The following TRPC3 variants were observed in gnomAD, a reference collection of about 807,000 sequenced individuals.
The protein encoded by TRPC3 is short transient receptor potential channel 3.
TRPC3 carries 54 observed loss-of-function variants against 90.9 expected under a neutral mutation model. The ratio of observed to expected loss-of-function variants is 0.59; its 90% CI spans 0.48 to 0.75. TRPC3 has a LOEUF of 0.75. Among genes scored for constraint, TRPC3 ranks in the 30% least tolerant of loss-of-function variants. TRPC3 has a pLI of 0.00. For synonymous variants in TRPC3, 424 were observed against 450.9 expected (o/e 0.94, Z 0.75); for missense variants, 918 against 1,194.5 (o/e 0.77, Z 3.41).
chr4:121,904,616 G>A lies in TRPC3; in HGVS notation c.2058-99C>T, dbSNP rs1728819196. ...GTTAGGGTTTAACTACTGTACAGAT[G>A]TAAAATGCCACCATAATATACTCCA... On this transcript the variant is annotated intron_variant, in intron 7 of 11. Transcript: ENST00000379645. 9 of 754,214 alleles carry A rather than the reference G, an allele frequency of 1.2e-5. No homozygotes were observed. In the South Asian group the frequency reaches 2.7e-4, roughly 23 times the overall value. 46.7% of individuals were successfully genotyped at this position (754,214 alleles called of 1,614,324 possible).
At chr4:121,882,851 A>G (rs1375118363) in intron 10 of TRPC3, among the ~76,000 whole-genome samples, 1 of 152,168 alleles carries the variant, frequency 6.6e-6, no homozygotes, top group African/African-American at 2.4e-5. Context: ...AACAAAATAA[A>G]CAAATGAAAT....
intron 1 of TRPC3, among the ~76,000 whole-genome samples, chr4:121,948,583 G>A (rs1348238229): frequency 2.0e-5 from 3 of 152,096 alleles, no homozygotes; most frequent in East Asian, 1.9e-4. Flanking sequence ...AGGATCCTCC[G>A]CACTAATGCC....
At chr4:121,888,414 CA>C (rs1025621799) in intron 10 of TRPC3, among the ~76,000 whole-genome samples, 3 of 152,076 alleles carry the variant, frequency 2.0e-5, no homozygotes, top group Non-Finnish European at 4.4e-5. Flanking sequence ...AAAAATGAAA[CA>C]TTTTTTGAGT....
intron 10 of TRPC3, among the ~76,000 whole-genome samples, chr4:121,889,630 A>G (rs1360636613): frequency 6.6e-6 from 1 of 152,318 alleles, no homozygotes; most frequent in East Asian, 1.9e-4. Flanking sequence ...ATAGGAATGT[A>G]AAATTAGTAC....
intron 1 of TRPC3, among the ~76,000 whole-genome samples, chr4:121,950,069 C>T (rs1318296864): frequency 1.3e-5 from 2 of 152,018 alleles, no homozygotes; most frequent in African/African-American, 2.4e-5. Flanking sequence ...GAGCTGGTGG[C>T]GCTTTCATCC....
At chr4:121,939,679 T>C (rs1170680662) in intron 1 of TRPC3, among the ~76,000 whole-genome samples, 2 of 152,242 alleles carry the variant, frequency 1.3e-5, no homozygotes, top group African/African-American at 2.4e-5. Context: ...TTGGGACAGA[T>C]TGCTGGTGCT....
In TRPC3 at chr4:121,879,357, T is replaced by C. The variant is rs1409127667; in HGVS notation, c.*379A>G. 5.8e-6 allele frequency: 1 copy of C among 172,374 alleles called. No individual in the cohort carries two copies. The highest frequency in any genetic ancestry group is 1.2e-5 in the Non-Finnish European group (1 of 82,198). The allele number at this position is 172,374 out of a possible 1,614,324, so 10.7% of individuals were successfully genotyped here. A position where few individuals can be genotyped will look rare whatever the true frequency, so the allele number is the denominator to read the frequency against. The stretch of plus-strand genomic sequence containing the variant: ...CAACATTTATTGAGCACCTACTATA[T>C]ACCAGGCACTGTACTAGATGCTGGA... On this transcript the variant is annotated 3_prime_UTR_variant, in exon 12 of 12. Transcript: ENST00000379645.
intron 1 of TRPC3, among the ~76,000 whole-genome samples, chr4:121,948,460 C>T (rs1395185093): frequency 6.6e-6 from 1 of 151,986 alleles, no homozygotes; most frequent in Non-Finnish European, 1.5e-5. Flanking sequence ...CAGTCATCTC[C>T]TAATTTGTCT....
intron 6 of TRPC3, 111 bp from the exon 7 acceptor site, chr4:121,907,678 A>G: frequency 8.6e-7 from 1 of 1,162,932 alleles, no homozygotes; most frequent in Non-Finnish European, 1.2e-6. Flanking sequence ...TTACCATCTC[A>G]GTTGAAACTA....
intron 10 of TRPC3, among the ~76,000 whole-genome samples, chr4:121,891,554 A>G (rs901869901): frequency 6.6e-6 from 1 of 152,188 alleles, no homozygotes; most frequent in Non-Finnish European, 1.5e-5. Context: ...GCAATTAAAA[A>G]GTAGCAAACA....
In TRPC3 at chr4:121,918,977, A is replaced by G. The variant is rs182671447; in HGVS notation, c.1177-4033T>C. On this transcript the variant is annotated intron_variant, in intron 3 of 11. Coordinates refer to ENST00000379645, the MANE Select transcript of TRPC3 (RefSeq NM_001130698.2). ...TATGTCACTACACCAGTTATGCCCA[A>G]CTGGATAACATTTGTATGCTGTTTC... Among the ~76,000 whole-genome samples the G allele has an allele frequency of 4.0e-3, 615 of 152,326 alleles. 3 individuals carry two copies. The highest frequency in any genetic ancestry group is 5.0e-3 in the Non-Finnish European group (342 of 68,030).
chr4:121,918,362 C>T (rs1312651023), intron 3 of TRPC3, among the ~76,000 whole-genome samples: 2 of 152,152 alleles, frequency 1.3e-5, no homozygotes, highest in Non-Finnish European at 2.9e-5. Flanking sequence ...AGGTTTTAAA[C>T]TCTTGAGGAC....
intron 2 of TRPC3, among the ~76,000 whole-genome samples, chr4:121,930,552 G>A (rs1276975705): frequency 1.3e-5 from 2 of 152,072 alleles, no homozygotes; most frequent in Non-Finnish European, 2.9e-5. Context: ...ACGACTCTGG[G>A]TGGAATTGCA....
Position 121,951,570 on chromosome 4 carries a change from G to C in TRPC3, c.111C>G (p.Arg37=). 3 of 1,446,998 alleles carry C rather than the reference G, an allele frequency of 2.1e-6. No homozygotes were observed. The highest frequency in any genetic ancestry group is 2.7e-6 in the Non-Finnish European group (3 of 1,095,972). 89.6% of individuals were successfully genotyped at this position (1,446,998 alleles called of 1,614,324 possible). The change falls in exon 1 of 12, where the codon CGC becomes CGG. Residue 37 remains arginine, a synonymous_variant. Transcript: ENST00000379645. The surrounding 1 kb of genome is among the most constrained non-coding windows in gnomAD (Gnocchi z 4.4). ...CCCCGTTGACGCCCCTCCAGCCCCG[G>C]CGGCGGCGCTGCGGCTCCGCGCCCT... The part of the protein sequence containing the change: ...EDEGAEPQRR[R]RGWRGVNGGL...
chr4:121,941,903 G>A (rs13147748), intron 1 of TRPC3, among the ~76,000 whole-genome samples: 72,064 of 151,952 alleles, frequency 0.47, 18,214 homozygotes, highest in East Asian at 0.6. Context: ...GCAAGGCTAG[G>A]GAAAGCTAGC....
intron 4 of TRPC3, among the ~76,000 whole-genome samples, chr4:121,913,436 C>A (rs1387414403): frequency 6.6e-6 from 1 of 152,158 alleles, no homozygotes; most frequent in African/African-American, 2.4e-5. Context: ...GGGAATGGCT[C>A]AACTTCCATG....
intron 1 of TRPC3, among the ~76,000 whole-genome samples, chr4:121,936,031 G>T (rs1231253948): frequency 6.6e-6 from 1 of 151,950 alleles, no homozygotes; most frequent in Non-Finnish European, 1.5e-5. Flanking sequence ...TTTTTATTTT[G>T]TCTTTAAAAA....
chr4:121,940,089 C>A (rs1730256126), intron 1 of TRPC3, among the ~76,000 whole-genome samples: 1 of 152,178 alleles, frequency 6.6e-6, no homozygotes, highest in Non-Finnish European at 1.5e-5. Context: ...AGACAGGCCA[C>A]TGAGACTCTG....
In TRPC3 at chr4:121,879,287, A is replaced by G. The variant is rs2149101447; in HGVS notation, c.*449T>C. 1 of 152,226 alleles carries G rather than the reference A, an allele frequency of 6.6e-6. No individual in the cohort carries two copies. Among genetic ancestry groups the G allele is most frequent in the South Asian group, 2.1e-4 (1 of 4,802 alleles). 9.4% of individuals were successfully genotyped at this position (152,226 alleles called of 1,614,324 possible). ...TTGGACAAGGGAAGGTATGCTACATAGTGAAGACTTTTTATTTTTATTTTG... is the reference window on the plus strand; with the variant it reads ...TTGGACAAGGGAAGGTATGCTACATGGTGAAGACTTTTTATTTTTATTTTG... On this transcript the variant is annotated 3_prime_UTR_variant, in exon 12 of 12. Transcript: ENST00000379645.
Sources: allele counts gnomAD v4.1 joint callset (sites outside exome capture counted in the v4.1 genomes callset), GRCh38; gene constraint gnomAD v4.1.1; non-coding constraint Gnocchi (gnomAD v3.1); transcripts MANE v1.5; gene names NCBI Gene and HGNC (gene_info 2026-07-23, HGNC 2026-07-21).